The following PLCZ1 variants were observed in gnomAD, a reference collection of about 807,000 sequenced individuals.
PLCZ1 encodes 1-phosphatidylinositol 4,5-bisphosphate phosphodiesterase zeta-1.
Under a neutral mutation model 76.8 loss-of-function variants are expected in PLCZ1, and 64 were observed. The observed-to-expected ratio is 0.83, with a 90% confidence interval of 0.68 to 1.03. PLCZ1 has a LOEUF of 1.03. PLCZ1 is among the 50% of genes least tolerant of loss of function. The pLI, the probability that PLCZ1 is intolerant of heterozygous loss-of-function variation, is 0.00. For missense variants in PLCZ1, 751 were observed against 713.7 expected (o/e 1.05, Z -0.60); for synonymous variants, 248 against 230.8 (o/e 1.07, Z -0.68).
intron 12 of PLCZ1, chr12:18,693,325 C>A: frequency 6.5e-7 from 1 of 1,546,796 alleles, no homozygotes; most frequent in Non-Finnish European, 8.9e-7. Flanking sequence ...CCCCAAGAGA[C>A]CTATGCAGAT....
intron 5 of PLCZ1, chr12:18,714,748 C>G (rs1227617626): frequency 6.6e-6 from 1 of 152,174 alleles, no homozygotes; most frequent in African/African-American, 2.4e-5. Context: ...GCTGCCACAA[C>G]TGGAGATAGG....
At chr12:18,731,791 T>C (rs546935236) in intron 3 of PLCZ1, among the ~76,000 whole-genome samples, 2 of 152,184 alleles carry the variant, frequency 1.3e-5, no homozygotes, top group African/African-American at 4.8e-5. Flanking sequence ...TCCAAGAAAT[T>C]TGTCATCTTC....
At chr12:18,701,617 C>CCTCCTCCTT in intron 8 of PLCZ1, 49 bp from the exon 9 acceptor site, 1 of 303,246 alleles carries the variant, frequency 3.3e-6, no homozygotes, top group East Asian at 3.1e-4. Context: ...TCCTCCTCCT[C>CCTCCTCCTT]CTCCTCCTCC....
chr12:18,701,587 C>T lies in PLCZ1; in HGVS notation c.950-19G>A, dbSNP rs765977034. The T allele has an allele frequency of 6.2e-7, 1 of 1,612,236 alleles. No individual in the cohort carries two copies. The highest frequency in any genetic ancestry group is 1.3e-5 in the African/African-American group (1 of 74,526). ...TTGTCTCCTAAAACAGATTCCAATACTTCTGATTCTTTGAATTTATCCTCC... is the reference window on the plus strand; with the variant it reads ...TTGTCTCCTAAAACAGATTCCAATATTTCTGATTCTTTGAATTTATCCTCC... On this transcript the variant is annotated intron_variant, in intron 8 of 14. Transcript: ENST00000266505.
chr12:18,663,579 C>T, the PLCZ1 span, among the ~76,000 whole-genome samples: 79,174 of 151,672 alleles, frequency 0.52, 21,793 homozygotes, highest in South Asian at 0.67. Flanking sequence ...AAAGGATGAC[C>T]TTGTAAAAAT....
rs577444194 is a variant in PLCZ1, at chr12:18,723,089, A to C, written c.367+222T>G. ...TACGTGGAAGCAGTTAAAAGAAAGG[A>C]GCTGAACAATGTATAGGAAAGGATG... On this transcript the variant is annotated intron_variant, in intron 4 of 14. Transcript: ENST00000266505. 5.9e-5 allele frequency among the ~76,000 whole-genome samples: 9 copies of C among 152,170 alleles called. No homozygotes were observed. The South Asian group carries it at 8.3e-4, about 14-fold the overall frequency.
At position 18,723,324 on chromosome 12, in the gene PLCZ1, C is replaced by T; in HGVS notation, c.354G>A (p.Glu118=). 6.2e-7 allele frequency: 1 copy of T among 1,611,022 alleles called. No homozygotes were observed. Among genetic ancestry groups the T allele is most frequent in the East Asian group, 2.2e-5 (1 of 44,740 alleles). ...AIAFEIIQKY[E]PIEEVRKAHQ... Reference sequence around the variant, plus strand: ...ATGCAAACATACCTTCTTCGATAGGCTCGTATTTCTGAATGATCTCAAAAG... The same window carrying T: ...ATGCAAACATACCTTCTTCGATAGGTTCGTATTTCTGAATGATCTCAAAAG... Residue 118 remains glutamate (E), a synonymous_variant, in exon 4 of 15, where the codon GAG becomes GAA. Coordinates refer to ENST00000266505, the MANE Select transcript of PLCZ1 (RefSeq NM_033123.4).
the PLCZ1 span, among the ~76,000 whole-genome samples, chr12:18,665,154 T>C: frequency 6.6e-6 from 1 of 150,890 alleles, no homozygotes; most frequent in Non-Finnish European, 1.5e-5. Context: ...ACTTAAAGCA[T>C]AATAATAATA....
At chr12:18,690,177 G>A (rs1244440470) in intron 12 of PLCZ1, among the ~76,000 whole-genome samples, 1 of 152,070 alleles carries the variant, frequency 6.6e-6, no homozygotes, top group African/African-American at 2.4e-5. Context: ...TTTGTGTAAG[G>A]CACAAATAAG....
chr12:18,733,014 A>AT (rs1271996851), intron 3 of PLCZ1, among the ~76,000 whole-genome samples: 1 of 152,170 alleles, frequency 6.6e-6, no homozygotes, highest in African/African-American at 2.4e-5. Flanking sequence ...TCTATTTTTA[A>AT]TTTTTGTGGA....
At chr12:18,662,518 G>A in the PLCZ1 span, among the ~76,000 whole-genome samples, 1 of 152,050 alleles carries the variant, frequency 6.6e-6, no homozygotes, top group Non-Finnish European at 1.5e-5. Context: ...AAGGCTTTGT[G>A]AAGAAGTAAA....
chr12:18,675,143 T>C, the PLCZ1 span, among the ~76,000 whole-genome samples: 1 of 152,210 alleles, frequency 6.6e-6, no homozygotes, highest in Non-Finnish European at 1.5e-5. Flanking sequence ...TATTTGATTT[T>C]AATTTATTTA....
chr12:18,649,578 C>T, the PLCZ1 span, among the ~76,000 whole-genome samples: 2 of 152,136 alleles, frequency 1.3e-5, no homozygotes, highest in Non-Finnish European at 2.9e-5. Flanking sequence ...CAGCAAAACT[C>T]TTCAAAATGG....
intron 5 of PLCZ1, among the ~76,000 whole-genome samples, chr12:18,719,227 A>G (rs1958288247): frequency 6.6e-6 from 1 of 152,176 alleles, no homozygotes; most frequent in Non-Finnish European, 1.5e-5. Flanking sequence ...AGCATATGAT[A>G]CTAATGCATA....
chr12:18,688,269 C>T, intron 12 of PLCZ1, 51 bp from the exon 13 acceptor site: 1 of 1,537,726 alleles, frequency 6.5e-7, no homozygotes, highest in Admixed American at 1.9e-5. Flanking sequence ...TAAGTTACAT[C>T]ACCATTTATT....
In PLCZ1 at chr12:18,705,155, A is replaced by G. The variant is rs1956446161; in HGVS notation, c.864+11T>C. On this transcript the variant is annotated intron_variant, in intron 7 of 14. Coordinates refer to ENST00000266505, the MANE Select transcript of PLCZ1 (RefSeq NM_033123.4). ...TTTTCTTAACCTGAGTTTCTCAGAA[A>G]AAAATGTTACCTCTGGTGATGGTAG... 6.2e-7 allele frequency: 1 copy of G among 1,613,828 alleles called. No homozygotes were observed. Among genetic ancestry groups the G allele is most frequent in the African/African-American group, 1.3e-5 (1 of 74,896 alleles).
chr12:18,695,546 T>C (rs890990150), intron 11 of PLCZ1, among the ~76,000 whole-genome samples: 1 of 152,094 alleles, frequency 6.6e-6, no homozygotes, highest in African/African-American at 2.4e-5. Context: ...CAGTATAGCC[T>C]GGTAAATAGC....
chr12:18,694,655 G>C (rs933983734), intron 12 of PLCZ1, among the ~76,000 whole-genome samples: 6 of 152,086 alleles, frequency 3.9e-5, no homozygotes, highest in African/African-American at 1.4e-4. Flanking sequence ...AAATCATATA[G>C]TAGAACTTTG....
At chr12:18,726,336 C>T (rs962226525) in intron 3 of PLCZ1, among the ~76,000 whole-genome samples, 5 of 152,082 alleles carry the variant, frequency 3.3e-5, no homozygotes, top group African/African-American at 1.2e-4. Context: ...GTTTAAAAAA[C>T]GTTCCTTAAG....
Sources: gnomAD v4.1 joint callset for allele counts (sites outside exome capture counted in the v4.1 genomes callset) on GRCh38, gnomAD v4.1.1 for gene constraint, MANE v1.5 for transcripts, NCBI Gene and HGNC (gene_info 2026-07-23, HGNC 2026-07-21) for gene names.